The following NRXN3 variants were observed in gnomAD, a reference collection of about 807,000 sequenced individuals.
NRXN3 encodes neurexin III.
Under a neutral mutation model 137.6 loss-of-function variants are expected in NRXN3, and 32 were observed. The observed-to-expected ratio is 0.23, with a 90% CI of 0.18 to 0.31. The LOEUF (loss-of-function observed/expected upper bound fraction) is 0.31. Ranked by LOEUF, NRXN3 falls within the 10% of genes least tolerant of loss-of-function variation. NRXN3 has a pLI of 1.00. For missense variants in NRXN3, 1,574 were observed against 2,062.5 expected (o/e 0.76, Z 4.59); for synonymous variants, 798 against 784.5 (o/e 1.02, Z -0.29).
chr14:79,300,761 T>A (rs2085010524), intron 15 of NRXN3, among the ~76,000 whole-genome samples: 1 of 152,078 alleles, frequency 6.6e-6, no homozygotes, highest in Non-Finnish European at 1.5e-5. Context: ...ATAGGTGACG[T>A]GTCTTAGTGG....
chr14:78,723,788 T>C (rs1048297881), intron 8 of NRXN3, among the ~76,000 whole-genome samples: 21 of 29,636 alleles, frequency 7.1e-4, no homozygotes, highest in Non-Finnish European at 6.6e-4. Flanking sequence ...CTGGTGTTTT[T>C]ACTCCATTTT....
intron 4 of NRXN3, among the ~76,000 whole-genome samples, chr14:78,588,097 G>T (rs186590044): frequency 6.6e-6 from 1 of 151,596 alleles, no homozygotes; most frequent in Non-Finnish European, 1.5e-5. Context: ...AAATGAGAGG[G>T]ATTTTTTTTG....
chr14:79,739,515 G>A (rs989980829), intron 19 of NRXN3, among the ~76,000 whole-genome samples: 31 of 151,808 alleles, frequency 2.0e-4, no homozygotes, highest in African/African-American at 7.5e-4. Context: ...ATGGTGGTGG[G>A]CATCTGTAAC....
chr14:78,181,143 A>G (rs1231604090), intron 1 of NRXN3, among the ~76,000 whole-genome samples: 2 of 152,232 alleles, frequency 1.3e-5, no homozygotes, highest in African/African-American at 4.8e-5. Context: ...TGTAATATCC[A>G]GTGGGGCAAT....
intron 19 of NRXN3, among the ~76,000 whole-genome samples, chr14:79,791,554 A>T (rs924495248): frequency 2.7e-5 from 4 of 147,372 alleles, no homozygotes; most frequent in African/African-American, 4.9e-5. Context: ...ATTATATATA[A>T]TAAATTATTT....
chr14:78,308,429 T>C (rs1056622362), intron 4 of NRXN3, among the ~76,000 whole-genome samples: 8 of 152,140 alleles, frequency 5.3e-5, no homozygotes, highest in African/African-American at 1.9e-4. Flanking sequence ...CCACATGCTC[T>C]GCAGCCCTTT....
At chr14:78,174,504 C>T (rs1340962566) in intron 1 of NRXN3, among the ~76,000 whole-genome samples, 3 of 152,034 alleles carry the variant, frequency 2.0e-5, no homozygotes, top group Non-Finnish European at 4.4e-5. Context: ...TGTTGGTTTA[C>T]GGGTGGGGAC....
At chr14:79,638,275 T>C (rs1472568551) in intron 16 of NRXN3, among the ~76,000 whole-genome samples, 1 of 152,186 alleles carries the variant, frequency 6.6e-6, no homozygotes, top group Admixed American at 6.5e-5. Flanking sequence ...TCCTTGATAA[T>C]GTGGTCTTTT....
intron 4 of NRXN3, among the ~76,000 whole-genome samples, chr14:78,426,919 G>A (rs2093685870): frequency 6.6e-6 from 1 of 152,202 alleles, no homozygotes; most frequent in African/African-American, 2.4e-5. Flanking sequence ...GAGAGAGGCA[G>A]AGTTCAGATT....
intron 4 of NRXN3, among the ~76,000 whole-genome samples, chr14:78,522,656 G>A (rs766380802): frequency 6.6e-6 from 1 of 152,064 alleles, no homozygotes; most frequent in Non-Finnish European, 1.5e-5. Context: ...ATTTGTAGTC[G>A]GGGTTGGGCA....
At chr14:79,099,488 A>G (rs939112822) in intron 15 of NRXN3, among the ~76,000 whole-genome samples, 3 of 152,210 alleles carry the variant, frequency 2.0e-5, no homozygotes, top group Non-Finnish European at 2.9e-5. Context: ...ACTAAACTGT[A>G]TGGTAAAGTC....
chr14:79,206,512 C>T (rs546753481), intron 15 of NRXN3, among the ~76,000 whole-genome samples: 5 of 152,324 alleles, frequency 3.3e-5, no homozygotes, highest in Admixed American at 3.3e-4. Flanking sequence ...ACTCCAGAGA[C>T]AGGTGGTGAG....
intron 19 of NRXN3, among the ~76,000 whole-genome samples, chr14:79,706,806 C>T (rs1201214651): frequency 2.6e-5 from 4 of 152,174 alleles, no homozygotes. Flanking sequence ...CACCGCCCCC[C>T]TTTCACCGTT....
intron 10 of NRXN3, among the ~76,000 whole-genome samples, chr14:78,921,435 A>T (rs758785284): frequency 6.6e-6 from 1 of 152,230 alleles, no homozygotes; most frequent in African/African-American, 2.4e-5. Flanking sequence ...ACTTACCTCC[A>T]TATATGAATA....
chr14:78,988,350 GC>G, intron 15 of NRXN3: 1 of 587,092 alleles, frequency 1.7e-6, no homozygotes, highest in Non-Finnish European at 3.0e-6. Flanking sequence ...TCTCCCACTT[GC>G]TCACTCCCTG....
At chr14:78,688,191 C>T (rs1470913577) in intron 6 of NRXN3, among the ~76,000 whole-genome samples, 1 of 152,046 alleles carries the variant, frequency 6.6e-6, no homozygotes, top group Non-Finnish European at 1.5e-5. Context: ...CTGTTGAGAA[C>T]CCTCAAGTTC....
At chr14:79,831,321 A>G (rs1019785289) in intron 20 of NRXN3, among the ~76,000 whole-genome samples, 2 of 152,216 alleles carry the variant, frequency 1.3e-5, no homozygotes, top group Non-Finnish European at 2.9e-5. Context: ...CAGATTTCAC[A>G]TGAGAATTGG....
At chr14:79,317,075 A>G (rs746924897) in intron 15 of NRXN3, among the ~76,000 whole-genome samples, 7 of 151,978 alleles carry the variant, frequency 4.6e-5, no homozygotes, top group Non-Finnish European at 7.4e-5. Flanking sequence ...TACTAAAAGT[A>G]CAAAAAATTA....
intron 15 of NRXN3, among the ~76,000 whole-genome samples, chr14:79,055,775 G>T (rs1322160661): frequency 2.0e-5 from 3 of 152,090 alleles, no homozygotes; most frequent in Admixed American, 6.6e-5. Flanking sequence ...GTGGGCTGGA[G>T]TTAGGAGCAT....
Sources: allele counts gnomAD v4.1 joint callset (sites outside exome capture counted in the v4.1 genomes callset), GRCh38; gene constraint gnomAD v4.1.1; transcripts MANE v1.5; gene names NCBI Gene and HGNC (gene_info 2026-07-23, HGNC 2026-07-21).